MAGI2: variants seen among roughly 807,000 people sequenced by gnomAD.
The protein encoded by MAGI2 is membrane associated guanylate kinase, WW and PDZ domain containing 2.
In MAGI2, 35 loss-of-function variants were observed where a neutral mutation model predicts 133.3. The ratio of observed to expected loss-of-function variants is 0.26; its 90% CI spans 0.20 to 0.35. The LOEUF is 0.35. MAGI2 is among the 10% of genes least tolerant of loss of function. The pLI, the probability that MAGI2 is intolerant of heterozygous loss-of-function variation, is 1.00. For synonymous variants in MAGI2, 729 were observed against 710.6 expected, an observed-to-expected ratio of 1.03 and a Z score of -0.41; for missense variants, 1,636 against 1,863.4, an observed-to-expected ratio of 0.88 and a Z score of 2.25.
chr7:79,419,609 T>C (rs1297251326), intron 1 of MAGI2, among the ~76,000 whole-genome samples: 1 of 152,056 alleles, frequency 6.6e-6, no homozygotes, highest in African/African-American at 2.4e-5. Context: ...GCTTTGTTTA[T>C]GCATCTATGA....
At chr7:78,402,207 GTGTGTGTATCCAC>G (rs1796937487) in intron 6 of MAGI2, among the ~76,000 whole-genome samples, 1 of 151,988 alleles carries the variant, frequency 6.6e-6, no homozygotes, top group African/African-American at 2.4e-5. Flanking sequence ...GGGTGTGTGT[GTGTGTGTATCCAC>G]CTGAGGTGTG....
chr7:78,623,549 T>C (rs916098747), intron 3 of MAGI2, among the ~76,000 whole-genome samples: 5 of 152,116 alleles, frequency 3.3e-5, no homozygotes, highest in African/African-American at 1.2e-4. Context: ...TTTGACAATA[T>C]GAAGAAGGTA....
chr7:78,632,514 T>C (rs1809128070), intron 2 of MAGI2, among the ~76,000 whole-genome samples: 2 of 152,202 alleles, frequency 1.3e-5, no homozygotes, highest in African/African-American at 4.8e-5. Context: ...AGAAAGAGCC[T>C]GGTTATATTT....
rs186960516 is a variant in MAGI2 at position 79,087,679 on chromosome 7, G to A, written c.302-80473C>T. 2.0e-5 allele frequency among the ~76,000 whole-genome samples: 3 copies of A among 152,146 alleles called. No individual in the cohort carries two copies. In the East Asian group the frequency reaches 5.8e-4, roughly 29 times the overall value. ...TCTTGAGTTAATTTTTGTATAAGGTGTAAGGAAGGGGTCCAGTTTCAGTTT... is the reference window on the plus strand; with the variant it reads ...TCTTGAGTTAATTTTTGTATAAGGTATAAGGAAGGGGTCCAGTTTCAGTTT... On this transcript the variant is annotated intron_variant, in intron 1 of 21. Coordinates refer to ENST00000354212, the MANE Select transcript of MAGI2 (RefSeq NM_012301.4).
intron 1 of MAGI2, among the ~76,000 whole-genome samples, chr7:79,270,474 A>G (rs1834798904): frequency 6.6e-6 from 1 of 152,194 alleles, no homozygotes; most frequent in Non-Finnish European, 1.5e-5. Context: ...ATCTGTGATC[A>G]TCAATTATGA....
Position 78,853,332 on chromosome 7 carries a change from C to CTTTTTTTTTTTTT in MAGI2, c.418+153745_418+153757dup, listed in dbSNP as rs60580466. Among the ~76,000 whole-genome samples, 92 of 25,078 alleles carry CTTTTTTTTTTTTT rather than the reference C, an allele frequency of 3.7e-3. 36 individuals are homozygous for CTTTTTTTTTTTTT. Among genetic ancestry groups the CTTTTTTTTTTTTT allele is most frequent in the Admixed American group, 5.5e-3 (9 of 1,638 alleles). 16.5% of individuals were successfully genotyped at this position (25,078 alleles called of 152,430 possible). A position where few individuals can be genotyped will look rare whatever the true frequency, so the allele number is the denominator to read the frequency against. On this transcript the variant is annotated intron_variant, in intron 2 of 21. Coordinates refer to ENST00000354212, the MANE Select transcript of MAGI2 (RefSeq NM_012301.4). ...CTCATATTACTCTTGTCCATTCGTT[C>CTTTTTTTTTTTTT]TTTTTTTTTTTTTTTTTTTTTTTTT... is the stretch of plus-strand genomic sequence containing the variant.
At chr7:78,562,251 T>C (rs1281263344) in intron 3 of MAGI2, among the ~76,000 whole-genome samples, 1 of 152,228 alleles carries the variant, frequency 6.6e-6, no homozygotes, top group Non-Finnish European at 1.5e-5. Context: ...TAACTTTTCT[T>C]GTTTTATTAA....
chr7:78,887,936 C>T (rs1254082401), intron 2 of MAGI2, among the ~76,000 whole-genome samples: 1 of 152,202 alleles, frequency 6.6e-6, no homozygotes, highest in Non-Finnish European at 1.5e-5. Flanking sequence ...TGAGCCATTG[C>T]CTCACCTGGC....
intron 2 of MAGI2, among the ~76,000 whole-genome samples, chr7:78,761,969 T>C (rs2151301299): frequency 6.6e-6 from 1 of 152,198 alleles, no homozygotes; most frequent in South Asian, 2.1e-4. Flanking sequence ...GGGCAAAAAA[T>C]ACTGACATGA....
chr7:78,063,109 C>T (rs1323859149), intron 21 of MAGI2, among the ~76,000 whole-genome samples: 2 of 152,164 alleles, frequency 1.3e-5, no homozygotes, highest in Admixed American at 1.3e-4. Flanking sequence ...TTCTATAAAG[C>T]CCATCTTAAA....
chr7:78,383,305 T>A (rs1388059460), intron 6 of MAGI2, among the ~76,000 whole-genome samples: 1 of 152,132 alleles, frequency 6.6e-6, no homozygotes, highest in Admixed American at 6.6e-5. Context: ...ATAGTAACCA[T>A]TCTCACTGGG....
chr7:78,220,698 TAG>T (rs1788722464), intron 10 of MAGI2, among the ~76,000 whole-genome samples: 1 of 152,148 alleles, frequency 6.6e-6, no homozygotes, highest in African/African-American at 2.4e-5. Context: ...AGAAAAATAA[TAG>T]AGTGGACTGG....
chr7:79,394,080 G>T (rs1352988483), intron 1 of MAGI2, among the ~76,000 whole-genome samples: 1 of 152,134 alleles, frequency 6.6e-6, no homozygotes, highest in Non-Finnish European at 1.5e-5. Context: ...TCTAAGACTT[G>T]GAGCCACAAG....
At chr7:79,159,711 C>T (rs1276314145) in intron 1 of MAGI2, among the ~76,000 whole-genome samples, 1 of 151,946 alleles carries the variant, frequency 6.6e-6, no homozygotes, top group African/African-American at 2.4e-5. Flanking sequence ...TAACATTCTT[C>T]AGACTGATAT....
chr7:78,212,974 C>A (rs941345377), intron 10 of MAGI2, among the ~76,000 whole-genome samples: 1 of 152,188 alleles, frequency 6.6e-6, no homozygotes, highest in African/African-American at 2.4e-5. Context: ...CACACCCAGC[C>A]AAGACTTTTC....
At chr7:79,061,825 T>C (rs1813773659) in intron 1 of MAGI2, among the ~76,000 whole-genome samples, 1 of 152,054 alleles carries the variant, frequency 6.6e-6, no homozygotes, top group African/African-American at 2.4e-5. Flanking sequence ...AAGTCACAGA[T>C]AGAAGGGGTG....
At chr7:79,097,956 T>A (rs1484887951) in intron 1 of MAGI2, among the ~76,000 whole-genome samples, 1 of 152,094 alleles carries the variant, frequency 6.6e-6, no homozygotes, top group Non-Finnish European at 1.5e-5. Flanking sequence ...ACCCCATCTC[T>A]ACCAAAAATA....
Position 78,432,158 on chromosome 7 carries a change from CCTAG to C in MAGI2, c.1045+57599_1045+57602del, listed in dbSNP as rs750124966. ...TTATCTGACAGCAAATTTGGTTGAGCCTAGCTAAACATTCTGTACATTAGAACAC... is the reference window on the plus strand; with the variant it reads ...TTATCTGACAGCAAATTTGGTTGAGCCTAAACATTCTGTACATTAGAACAC... On this transcript the variant is annotated intron_variant, in intron 6 of 21. Coordinates refer to ENST00000354212, the MANE Select transcript of MAGI2 (RefSeq NM_012301.4). Among the ~76,000 whole-genome samples the C allele has an allele frequency of 7.3e-5, 11 of 151,200 alleles. No individual in the cohort carries two copies. The East Asian group carries it at 1.7e-3, about 24-fold the overall frequency.
At chr7:78,036,252 C>G (rs1247176231) in intron 21 of MAGI2, among the ~76,000 whole-genome samples, 1 of 152,164 alleles carries the variant, frequency 6.6e-6, no homozygotes, top group African/African-American at 2.4e-5. Flanking sequence ...TACTGAACAG[C>G]TGTGTGGCTT....
Sources: gnomAD v4.1 joint callset for allele counts (sites outside exome capture counted in the v4.1 genomes callset) on GRCh38, gnomAD v4.1.1 for gene constraint, MANE v1.5 for transcripts, NCBI Gene and HGNC (gene_info 2026-07-23, HGNC 2026-07-21) for gene names.